GABRG3: variants seen among roughly 807,000 people sequenced by gnomAD.
GABRG3 encodes the protein gamma-aminobutyric acid receptor subunit gamma-3.
Under a neutral mutation model 48.8 loss-of-function variants are expected in GABRG3, and 25 were observed. The observed-to-expected ratio is 0.51, with a 90% CI of 0.37 to 0.72. The LOEUF (loss-of-function observed/expected upper bound fraction) is 0.72, where lower values mean the gene tolerates loss of function less well. GABRG3 is among the 30% of genes least tolerant of loss of function. GABRG3 has a pLI of 0.00. For synonymous variants in GABRG3, 227 were observed against 217.6 expected, an observed-to-expected ratio of 1.04 and a Z score of -0.38; for missense variants, 394 against 577.9, an observed-to-expected ratio of 0.68 and a Z score of 3.26.
chr15:27,191,714 A>G (rs1332084772), intron 3 of GABRG3, among the ~76,000 whole-genome samples: 1 of 151,908 alleles, frequency 6.6e-6, no homozygotes, highest in Non-Finnish European at 1.5e-5. Context: ...TGGAGCATTT[A>G]GTCCATTTAC....
chr15:27,234,324 C>A (rs947984166), intron 3 of GABRG3, among the ~76,000 whole-genome samples: 1 of 152,172 alleles, frequency 6.6e-6, no homozygotes, highest in Non-Finnish European at 1.5e-5. Context: ...TAGCTTTGGG[C>A]CCTTCTCAGG....
At chr15:27,190,906 C>G (rs1888276849) in intron 3 of GABRG3, among the ~76,000 whole-genome samples, 1 of 152,058 alleles carries the variant, frequency 6.6e-6, no homozygotes. Flanking sequence ...GAATGTGTCC[C>G]AGAGATTCTG....
chr15:27,362,459 A>T (rs1895056089), intron 5 of GABRG3: 1 of 152,224 alleles, frequency 6.6e-6, no homozygotes. Flanking sequence ...GTTCTTTGGA[A>T]GATACCAAGA....
chr15:27,407,848 T>C (rs966033404), intron 5 of GABRG3, among the ~76,000 whole-genome samples: 2 of 152,180 alleles, frequency 1.3e-5, no homozygotes, highest in African/African-American at 4.8e-5. Context: ...GCCCAGAGAA[T>C]TTTTTGGGCA....
At chr15:27,383,998 G>A (rs983992554) in intron 5 of GABRG3, among the ~76,000 whole-genome samples, 1 of 152,136 alleles carries the variant, frequency 6.6e-6, no homozygotes, top group Non-Finnish European at 1.5e-5. Context: ...TTAGAAACAA[G>A]CTATAATTAA....
chr15:27,458,089 C>T (rs1889338362), intron 5 of GABRG3, among the ~76,000 whole-genome samples: 1 of 152,108 alleles, frequency 6.6e-6, no homozygotes, highest in African/African-American at 2.4e-5. Context: ...GTCCCCCCTC[C>T]CTGTATTGGT....
chr15:27,306,108 C>T (rs1892412025), intron 3 of GABRG3, among the ~76,000 whole-genome samples: 1 of 106,518 alleles, frequency 9.4e-6, no homozygotes, highest in Non-Finnish European at 1.8e-5. Context: ...TATATATAAA[C>T]ATATATAATA....
intron 3 of GABRG3, chr15:27,158,491 A>G (rs902910513): frequency 6.6e-6 from 1 of 152,212 alleles, no homozygotes; most frequent in Non-Finnish European, 1.5e-5. Context: ...AATTATACTT[A>G]TAAATACTGT....
chr15:27,152,442 T>A (rs1282510025), intron 3 of GABRG3, among the ~76,000 whole-genome samples: 2 of 152,232 alleles, frequency 1.3e-5, no homozygotes, highest in South Asian at 4.1e-4. Flanking sequence ...TTAAAAATTT[T>A]AAAAAATTGG....
At chr15:27,129,443 C>G (rs1897877478) in intron 3 of GABRG3, among the ~76,000 whole-genome samples, 1 of 152,152 alleles carries the variant, frequency 6.6e-6, no homozygotes, top group African/African-American at 2.4e-5. Flanking sequence ...TTTAACCATT[C>G]AATCTTAGAT....
At chr15:26,992,331 G>T (rs1408812252) in intron 2 of GABRG3, among the ~76,000 whole-genome samples, 1 of 152,186 alleles carries the variant, frequency 6.6e-6, no homozygotes, top group African/African-American at 2.4e-5. Context: ...AAGGCTTTCA[G>T]TTTTTTCCCA....
At chr15:27,035,333 A>T (rs1896157404) in intron 3 of GABRG3, among the ~76,000 whole-genome samples, 1 of 152,154 alleles carries the variant, frequency 6.6e-6, no homozygotes, top group Non-Finnish European at 1.5e-5. Context: ...TGATTTAGGG[A>T]CACTGAGATG....
chr15:27,145,625 C>CTATT (rs1898192234), intron 3 of GABRG3, among the ~76,000 whole-genome samples: 1 of 76,442 alleles, frequency 1.3e-5, no homozygotes, highest in African/African-American at 4.6e-5. Context: ...ATCTATCTAT[C>CTATT]TATCTATCTA....
intron 5 of GABRG3, among the ~76,000 whole-genome samples, chr15:27,369,543 C>T (rs1895324275): frequency 2.0e-5 from 3 of 152,106 alleles, no homozygotes; most frequent in Admixed American, 6.5e-5. Flanking sequence ...ATTGGCCGGG[C>T]GCGGTGGCTC....
chr15:27,181,984 TATAATATAATAATATTATA>T (rs1489572102), intron 3 of GABRG3, among the ~76,000 whole-genome samples: 1 of 148,798 alleles, frequency 6.7e-6, no homozygotes, highest in African/African-American at 2.4e-5. Flanking sequence ...CTATATAATA[TATAATATAATAATATTATA>T]ATAATATAAT....
chr15:27,535,993 G>C lies in GABRG3; in HGVS notation c.*3112G>C, dbSNP rs987830170. On this transcript the variant is annotated 3_prime_UTR_variant, in exon 10 of 10. Coordinates refer to ENST00000615808, the MANE Select transcript of GABRG3 (RefSeq NM_033223.5). The stretch of plus-strand genomic sequence containing the variant: ...CATGCAGAATTGGGAAATATTTGGG[G>C]TGGAAGTTGTCTGAGTGATCTGCAT... 6.6e-6 allele frequency: 1 copy of C among 152,250 alleles called. No individual in the cohort carries two copies. Among genetic ancestry groups the C allele is most frequent in the African/African-American group, 2.4e-5 (1 of 41,436 alleles). 9.4% of individuals were successfully genotyped at this position (152,250 alleles called of 1,614,324 possible). A position where few individuals can be genotyped will look rare whatever the true frequency, so the allele number is the denominator to read the frequency against.
In GABRG3 at chr15:27,429,705, T is replaced by C. The variant is rs1433472659; in HGVS notation, c.575-50945T>C. Among the ~76,000 whole-genome samples, 9 of 152,328 alleles carry C rather than the reference T, an allele frequency of 5.9e-5. No homozygotes were observed. The East Asian group carries it at 1.4e-3, about 23-fold the overall frequency. ...GACTGACCTCTTTCACTTAGAATAATGTTTTCATGGTTTGTCTACCTCATA... is the reference window on the plus strand; with the variant it reads ...GACTGACCTCTTTCACTTAGAATAACGTTTTCATGGTTTGTCTACCTCATA... On this transcript the variant is annotated intron_variant, in intron 5 of 9. Coordinates refer to ENST00000615808, the MANE Select transcript of GABRG3 (RefSeq NM_033223.5).
At chr15:26,999,166 C>T (rs976523670) in intron 2 of GABRG3, among the ~76,000 whole-genome samples, 1 of 148,176 alleles carries the variant, frequency 6.7e-6, no homozygotes, top group African/African-American at 2.5e-5. Flanking sequence ...TAACAATATA[C>T]AATAAAAATA....
At chr15:27,195,413 C>A (rs1888464231) in intron 3 of GABRG3, among the ~76,000 whole-genome samples, 1 of 152,214 alleles carries the variant, frequency 6.6e-6, no homozygotes, top group South Asian at 2.1e-4. Context: ...CTCACTGCAA[C>A]CTTTGCCTCC....
Sources: allele counts gnomAD v4.1 joint callset (sites outside exome capture counted in the v4.1 genomes callset), GRCh38; gene constraint gnomAD v4.1.1; transcripts MANE v1.5; gene names NCBI Gene and HGNC (gene_info 2026-07-23, HGNC 2026-07-21).